The following FYN variants were observed in gnomAD, a reference collection of about 807,000 sequenced individuals.
FYN encodes the protein tyrosine-protein kinase Fyn.
FYN carries 10 observed loss-of-function variants against 70.2 expected under a neutral mutation model. The observed-to-expected ratio is 0.14, with a 90% CI of 0.09 to 0.24. The LOEUF (loss-of-function observed/expected upper bound fraction) is 0.24, where lower values mean the gene tolerates loss of function less well. Ranked by LOEUF, FYN falls within the 10% of genes least tolerant of loss-of-function variation. The probability of loss-of-function intolerance (pLI) is 1.00; values close to 1 mark genes in which losing one functional copy is unlikely to be tolerated. For synonymous variants in FYN, 236 were observed against 248.6 expected (o/e 0.95, Z 0.48); for missense variants, 319 against 673.1 (o/e 0.47, Z 5.82).
chr6:111,796,665 G>A (rs1771815328), intron 2 of FYN, among the ~76,000 whole-genome samples: 1 of 152,174 alleles, frequency 6.6e-6, no homozygotes, highest in Non-Finnish European at 1.5e-5. Context: ...CACATATTAT[G>A]TGCCAGGCCC....
intron 12 of FYN, among the ~76,000 whole-genome samples, chr6:111,688,224 T>A (rs11153312): frequency 6.6e-6 from 1 of 152,104 alleles, no homozygotes; most frequent in African/African-American, 2.4e-5. Context: ...GGGCCAGAAC[T>A]TATGCTCTAG....
intron 2 of FYN, among the ~76,000 whole-genome samples, chr6:111,821,881 GATC>G (rs1695830271): frequency 6.6e-6 from 1 of 152,172 alleles, no homozygotes; most frequent in Non-Finnish European, 1.5e-5. Context: ...ATGAAAAAAT[GATC>G]ATCATCACTG....
At chr6:111,696,199 G>C (rs1225617693) in intron 10 of FYN, 78 bp downstream of exon 10, 1 of 1,237,372 alleles carries the variant, frequency 8.1e-7, no homozygotes. Context: ...AAAGTAGCAA[G>C]TAGGAAACTT....
At chr6:111,779,324 C>CA (rs746038603) in intron 3 of FYN, among the ~76,000 whole-genome samples, 10 of 152,032 alleles carry the variant, frequency 6.6e-5, no homozygotes, top group Non-Finnish European at 7.4e-5. Context: ...TTCTTTCAGT[C>CA]AAAGCTCAAA....
At chr6:111,707,472 G>A (rs1800146348) in intron 6 of FYN, among the ~76,000 whole-genome samples, 1 of 152,196 alleles carries the variant, frequency 6.6e-6, no homozygotes, top group Admixed American at 6.5e-5. Context: ...CATAGAAGGT[G>A]TCTTTTCAGC....
intron 4 of FYN, among the ~76,000 whole-genome samples, chr6:111,715,785 C>T (rs1800612319): frequency 6.6e-6 from 1 of 152,126 alleles, no homozygotes; most frequent in African/African-American, 2.4e-5. Flanking sequence ...TTCTGAAGGA[C>T]CGAACTGACC....
At chr6:111,828,716 C>G (rs1562536337) in intron 2 of FYN, among the ~76,000 whole-genome samples, 1 of 152,144 alleles carries the variant, frequency 6.6e-6, no homozygotes. Context: ...TTTATACAGA[C>G]AAAAAGTAGA....
intron 12 of FYN, among the ~76,000 whole-genome samples, chr6:111,675,048 G>T (rs9400492): frequency 0.41 from 62,504 of 151,858 alleles, 13,711 homozygotes; most frequent in Admixed American, 0.54. Context: ...TGCTCCCAGG[G>T]TGGGGACAAC....
In FYN at chr6:111,704,120, G is replaced by C. The variant is rs769912554; in HGVS notation, c.444-18C>G. On this transcript the variant is annotated intron_variant, in intron 6 of 13. Coordinates refer to ENST00000354650, the MANE Select transcript of FYN (RefSeq NM_002037.5). The stretch of plus-strand genomic sequence containing the variant: ...AGTACCACCTTTAAATTAGATCAAG[G>C]AAAGAAAATATTTTGAAATAGTCAT... The C allele has an allele frequency of 4.4e-6, 7 of 1,599,446 alleles. No homozygotes were observed. The highest frequency in any genetic ancestry group is 6.0e-6 in the Non-Finnish European group (7 of 1,168,354).
chr6:111,675,452 G>C (rs2128411707), intron 12 of FYN, among the ~76,000 whole-genome samples: 1 of 151,792 alleles, frequency 6.6e-6, no homozygotes, highest in African/African-American at 2.4e-5. Context: ...AAAAGGAAGG[G>C]TGTGGTCCAC....
rs1228443373 is a variant in FYN, at chr6:111,703,983, C to T, written c.547+16G>A. ...GATTTGAATGACAAGCCAACTTCTTCAACTCGTTATCTTACCTTTGGTGGT... is the reference window on the plus strand; with the variant it reads ...GATTTGAATGACAAGCCAACTTCTTTAACTCGTTATCTTACCTTTGGTGGT... On this transcript the variant is annotated intron_variant, in intron 7 of 13. Transcript: ENST00000354650. The T allele has an allele frequency of 6.3e-7, 1 of 1,597,362 alleles. No individual in the cohort carries two copies. Among genetic ancestry groups the T allele is most frequent in the South Asian group, 1.1e-5 (1 of 90,488 alleles).
At chr6:111,849,412 T>C (rs1488975840) in intron 1 of FYN, among the ~76,000 whole-genome samples, 1 of 152,210 alleles carries the variant, frequency 6.6e-6, no homozygotes, top group Non-Finnish European at 1.5e-5. Flanking sequence ...GTCACCCCCC[T>C]GCACTGTTTC....
At chr6:111,668,217 G>A (rs979858548) in intron 13 of FYN, among the ~76,000 whole-genome samples, 12 of 152,222 alleles carry the variant, frequency 7.9e-5, no homozygotes, top group African/African-American at 2.7e-4. Context: ...GTTAATAACC[G>A]TGACACTGAG....
At chr6:111,719,462 C>G (rs554775246) in intron 4 of FYN, among the ~76,000 whole-genome samples, 1 of 152,128 alleles carries the variant, frequency 6.6e-6, no homozygotes, top group Admixed American at 6.5e-5. Flanking sequence ...CTCAGGCATC[C>G]GTGTTTTGAA....
chr6:111,728,673 G>A (rs1801302591), intron 3 of FYN, among the ~76,000 whole-genome samples: 1 of 152,120 alleles, frequency 6.6e-6, no homozygotes, highest in African/African-American at 2.4e-5. Flanking sequence ...ACATGTATTA[G>A]TACTTCATTC....
At chr6:111,737,532 A>G (rs907945776) in intron 3 of FYN, among the ~76,000 whole-genome samples, 3 of 152,228 alleles carry the variant, frequency 2.0e-5, no homozygotes, top group Admixed American at 1.3e-4. Flanking sequence ...TGAGGTATGA[A>G]GGAAAGGGCG....
At chr6:111,848,946 G>C (rs1487994610) in intron 1 of FYN, among the ~76,000 whole-genome samples, 1 of 152,136 alleles carries the variant, frequency 6.6e-6, no homozygotes. Context: ...GAAGATGCAA[G>C]TTTTAGGTTT....
Position 111,829,161 on chromosome 6 carries a change from C to T in FYN, c.-82+17428G>A, listed in dbSNP as rs1484445218. Among the ~76,000 whole-genome samples, 4 of 152,216 alleles carry T rather than the reference C, an allele frequency of 2.6e-5. No homozygotes were observed. The East Asian group carries it at 7.7e-4, about 29-fold the overall frequency. ...CCTATTTTTTACATTTACATAGAGGCAGGCGAGATTCCAGAGCCTGAAGTC... is the reference window on the plus strand; with the variant it reads ...CCTATTTTTTACATTTACATAGAGGTAGGCGAGATTCCAGAGCCTGAAGTC... On this transcript the variant is annotated intron_variant, in intron 2 of 13. Transcript: ENST00000354650.
chr6:111,757,257 C>T (rs183660319), intron 3 of FYN, among the ~76,000 whole-genome samples: 6 of 152,326 alleles, frequency 3.9e-5, no homozygotes, highest in Non-Finnish European at 8.8e-5. Context: ...TCTTGACCTT[C>T]ATCTCCTGCT....
Sources: gnomAD v4.1 joint callset for allele counts (sites outside exome capture counted in the v4.1 genomes callset) on GRCh38, gnomAD v4.1.1 for gene constraint, MANE v1.5 for transcripts, NCBI Gene and HGNC (gene_info 2026-07-23, HGNC 2026-07-21) for gene names.